Variants in IL1RAPL1 observed in about 807,000 individuals in gnomAD.
The protein encoded by IL1RAPL1 is interleukin 1 receptor accessory protein like 1, also known as interleukin-1 receptor accessory protein-like 1.
IL1RAPL1 carries 3 observed loss-of-function variants against 48.4 expected under a neutral mutation model. The ratio of observed to expected loss-of-function variants is 0.06; its 90% CI spans 0.03 to 0.16. The LOEUF (loss-of-function observed/expected upper bound fraction) is 0.16. Among genes scored for constraint, IL1RAPL1 ranks in the 10% least tolerant of loss-of-function variants. The pLI is 1.00. For synonymous variants in IL1RAPL1, 185 were observed against 187.7 expected (o/e 0.99, Z 0.12); for missense variants, 349 against 530.6 (o/e 0.66, Z 3.36).
At position 28,969,982 on chromosome X, in the gene IL1RAPL1, T is replaced by TAAACACATATATATGTTTAG. The variant is rs1569210473; in HGVS notation, c.82+180563_82+180582dup. Among the ~76,000 whole-genome samples the TAAACACATATATATGTTTAG allele has an allele frequency of 2.1e-3, 225 of 108,522 alleles. 2 individuals carry two copies. Among genetic ancestry groups the TAAACACATATATATGTTTAG allele is most frequent in the African/African-American group, 7.0e-3 (205 of 29,353 alleles). 94.2% of individuals were successfully genotyped at this position (108,522 alleles called of 115,157 possible). ...GTTTCTAAACACATATATATGTTTCTAAACACATATATATGTTTAGAAACA... is the reference window on the plus strand; with the variant it reads ...GTTTCTAAACACATATATATGTTTCTAAACACATATATATGTTTAGAAACACATATATATGTTTAGAAACA... On this transcript the variant is annotated intron_variant, in intron 2 of 10. Transcript: ENST00000378993.
chrX:28,745,754 A>G (rs1935968551), intron 1 of IL1RAPL1, among the ~76,000 whole-genome samples: 1 of 111,980 alleles, frequency 8.9e-6, no homozygotes, highest in Non-Finnish European at 1.9e-5. Context: ...AGTGTGCTAT[A>G]TAGTGTATGT....
At chrX:29,012,989 A>T (rs762071984) in intron 2 of IL1RAPL1, among the ~76,000 whole-genome samples, 1 of 111,771 alleles carries the variant, frequency 8.9e-6, no homozygotes, top group African/African-American at 3.3e-5. Context: ...TGTAACAGGA[A>T]ATGACATACA....
chrX:29,869,168 C>A (rs141763159), intron 6 of IL1RAPL1, among the ~76,000 whole-genome samples: 4,400 of 112,005 alleles, frequency 0.039, 217 homozygotes, highest in African/African-American at 0.13. Context: ...AATGTTAAGT[C>A]ATAAGATACA....
At chrX:29,405,454 C>T (rs1934049979) in intron 5 of IL1RAPL1, among the ~76,000 whole-genome samples, 1 of 97,898 alleles carries the variant, frequency 1.0e-5, no homozygotes, top group African/African-American at 4.8e-5. Flanking sequence ...GCAAGCTCCG[C>T]CTCCCGGGTT....
chrX:29,523,933 T>A (rs1179663541), intron 5 of IL1RAPL1, among the ~76,000 whole-genome samples: 3 of 111,337 alleles, frequency 2.7e-5, no homozygotes, highest in African/African-American at 9.8e-5. Flanking sequence ...TCTCCATTTC[T>A]TTTAGTGTTT....
At chrX:29,390,056 G>A (rs947001876) in intron 3 of IL1RAPL1, among the ~76,000 whole-genome samples, 1 of 112,633 alleles carries the variant, frequency 8.9e-6, no homozygotes, top group Non-Finnish European at 1.9e-5. Context: ...AATAAAAAAG[G>A]AAGAAAATGG....
chrX:28,977,816 G>T (rs912704838), intron 2 of IL1RAPL1, among the ~76,000 whole-genome samples: 1 of 111,825 alleles, frequency 8.9e-6, no homozygotes, highest in African/African-American at 3.2e-5. Context: ...AATTAGCTGT[G>T]CATGGTGATG....
chrX:29,356,508 C>A (rs1349690917), intron 3 of IL1RAPL1, among the ~76,000 whole-genome samples: 1 of 80,526 alleles, frequency 1.2e-5, no homozygotes, highest in African/African-American at 4.4e-5. Flanking sequence ...TGCATATATA[C>A]ACACACATAT....
rs373858749 is a variant in IL1RAPL1 at position 29,313,632 on chromosome X, G to T, written c.362+30415G>T. On this transcript the variant is annotated intron_variant, in intron 3 of 10. Transcript: ENST00000378993. ...TTGGCTATTGTTTTAGGAAATGGTT[G>T]TCTGTCCAGGAAGCCTAAAAAGGTG... 9.0e-5 allele frequency among the ~76,000 whole-genome samples: 10 copies of T among 111,641 alleles called. No homozygotes were observed. The East Asian group carries it at 2.8e-3, about 32-fold the overall frequency.
rs369477993 is a variant in IL1RAPL1 at position 29,039,117 on chromosome X, T to C, written c.83-243821T>C. 5.4e-5 allele frequency among the ~76,000 whole-genome samples: 6 copies of C among 111,991 alleles called. No homozygotes were observed. The East Asian group carries it at 1.1e-3, about 21-fold the overall frequency. On this transcript the variant is annotated intron_variant, in intron 2 of 10. Transcript: ENST00000378993. ...AACCTTTTTTTGCACTCACATTTTG[T>C]TCTTTTGTTCAATTTGTAATTGCAT...
chrX:29,837,809 C>T (rs957546368), intron 6 of IL1RAPL1, among the ~76,000 whole-genome samples: 4 of 112,010 alleles, frequency 3.6e-5, no homozygotes, highest in Non-Finnish European at 5.6e-5. Context: ...AGCGTCATCT[C>T]GTGTTATTTA....
intron 1 of IL1RAPL1, among the ~76,000 whole-genome samples, chrX:28,667,920 C>G (rs903172738): frequency 1.8e-5 from 2 of 111,528 alleles, no homozygotes; most frequent in African/African-American, 6.5e-5. Context: ...AAAGGCCCCA[C>G]CCTCTAATAC....
chrX:29,031,177 A>G (rs1569223163), intron 2 of IL1RAPL1, among the ~76,000 whole-genome samples: 1 of 112,432 alleles, frequency 8.9e-6, no homozygotes, highest in African/African-American at 3.2e-5. Context: ...AGGAAACTAA[A>G]GCAGAATTAT....
intron 6 of IL1RAPL1, among the ~76,000 whole-genome samples, chrX:29,814,432 G>A (rs1409348467): frequency 9.0e-6 from 1 of 111,341 alleles, no homozygotes; most frequent in Non-Finnish European, 1.9e-5. Flanking sequence ...GGGGTAATAT[G>A]TTTTGTGTCT....
At chrX:29,311,777 C>T (rs1445625025) in intron 3 of IL1RAPL1, among the ~76,000 whole-genome samples, 1 of 111,511 alleles carries the variant, frequency 9.0e-6, no homozygotes, top group Non-Finnish European at 1.9e-5. Flanking sequence ...TCACGAAATT[C>T]CTCTTTCTAC....
intron 1 of IL1RAPL1, among the ~76,000 whole-genome samples, chrX:28,754,134 A>G (rs1024569055): frequency 9.0e-6 from 1 of 111,053 alleles, no homozygotes; most frequent in African/African-American, 3.3e-5. Flanking sequence ...TTATTCTTGT[A>G]TGACCTCCTC....
intron 1 of IL1RAPL1, among the ~76,000 whole-genome samples, chrX:28,623,683 C>T (rs1934308312): frequency 8.9e-6 from 1 of 112,019 alleles, no homozygotes; most frequent in Admixed American, 9.5e-5. Context: ...CCTTGAACAT[C>T]TGGCTTTGTG....
chrX:29,708,798 A>G (rs1049522244), intron 6 of IL1RAPL1, among the ~76,000 whole-genome samples: 5 of 111,796 alleles, frequency 4.5e-5, no homozygotes. Flanking sequence ...CCTCTATACT[A>G]TTTCCAAAAT....
rs147584165 is a variant in IL1RAPL1 at position 29,346,787 on chromosome X, T to A, written c.363-49471T>A. 8.8e-3 allele frequency among the ~76,000 whole-genome samples: 990 copies of A among 112,442 alleles called. 15 individuals are homozygous for A. The highest frequency in any genetic ancestry group is 0.031 in the African/African-American group (954 of 30,997). On this transcript the variant is annotated intron_variant, in intron 3 of 10. Coordinates refer to ENST00000378993, the MANE Select transcript of IL1RAPL1 (RefSeq NM_014271.4). Reference sequence around the variant, plus strand: ...GGTACACTAAATCCTCACTGTTGGCTATCAAGAGGAAATACACCTTGACAG... The same window carrying A: ...GGTACACTAAATCCTCACTGTTGGCAATCAAGAGGAAATACACCTTGACAG...
Sources: allele counts gnomAD v4.1 joint callset (sites outside exome capture counted in the v4.1 genomes callset), GRCh38; gene constraint gnomAD v4.1.1; transcripts MANE v1.5; gene names NCBI Gene and HGNC (gene_info 2026-07-23, HGNC 2026-07-21).